ATAD2B: variants seen among roughly 807,000 people sequenced by gnomAD.
ATAD2B encodes the protein ATPase family AAA domain-containing protein 2B.
ATAD2B carries 40 observed loss-of-function variants against 167.6 expected under a neutral mutation model. The ratio of observed to expected loss-of-function variants is 0.24; its 90% CI spans 0.19 to 0.31. ATAD2B has a LOEUF of 0.31. ATAD2B is among the 10% of genes least tolerant of loss of function. The pLI, the probability that ATAD2B is intolerant of heterozygous loss-of-function variation, is 1.00. For missense variants in ATAD2B, 1,242 were observed against 1,757.2 expected (o/e 0.71, Z 5.24); for synonymous variants, 579 against 596.5 (o/e 0.97, Z 0.43).
intron 2 of ATAD2B, among the ~76,000 whole-genome samples, chr2:23,890,246 A>G (rs1354979864): frequency 6.6e-6 from 1 of 152,042 alleles, no homozygotes; most frequent in Non-Finnish European, 1.5e-5. Flanking sequence ...ATAACAAAAA[A>G]CAAAACAAAA....
chr2:23,792,962 C>T (rs1435064780), intron 19 of ATAD2B, among the ~76,000 whole-genome samples: 1 of 42,556 alleles, frequency 2.3e-5, no homozygotes, highest in Non-Finnish European at 3.9e-5. Context: ...GACTCTGTCT[C>T]AAAAAAAAAA....
At chr2:23,905,565 T>G (rs762094749) in intron 1 of ATAD2B, among the ~76,000 whole-genome samples, 2 of 152,058 alleles carry the variant, frequency 1.3e-5, no homozygotes, top group South Asian at 2.1e-4. Flanking sequence ...ACTCTGAAGT[T>G]GTACAGACAG....
At chr2:23,906,579 C>A (rs1007047950) in intron 1 of ATAD2B, among the ~76,000 whole-genome samples, 1 of 152,124 alleles carries the variant, frequency 6.6e-6, no homozygotes, top group Non-Finnish European at 1.5e-5. Flanking sequence ...TCTCGTTGAT[C>A]TGTCTAATAT....
chr2:23,757,190 C>G (rs770737760), intron 25 of ATAD2B, among the ~76,000 whole-genome samples: 1 of 152,092 alleles, frequency 6.6e-6, no homozygotes, highest in Non-Finnish European at 1.5e-5. Context: ...GCAATGCACT[C>G]GAAACGATAC....
At chr2:23,874,403 C>A (rs1696491069) in intron 8 of ATAD2B, among the ~76,000 whole-genome samples, 1 of 151,966 alleles carries the variant, frequency 6.6e-6, no homozygotes, top group Non-Finnish European at 1.5e-5. Context: ...AAATAAAAAA[C>A]AAGTAACTTG....
chr2:23,869,285 A>G (rs928262758), intron 9 of ATAD2B, among the ~76,000 whole-genome samples: 1 of 152,192 alleles, frequency 6.6e-6, no homozygotes, highest in African/African-American at 2.4e-5. Flanking sequence ...AGATAATTCT[A>G]TTAGAAACCA....
intron 2 of ATAD2B, among the ~76,000 whole-genome samples, chr2:23,893,667 CTT>C (rs745557044): frequency 6.7e-5 from 8 of 119,416 alleles, no homozygotes; most frequent in Non-Finnish European, 1.0e-4. Context: ...AAAAAAAAAA[CTT>C]TTTTTTTTTT....
At chr2:23,737,786 G>T in the ATAD2B span, among the ~76,000 whole-genome samples, 147 of 152,252 alleles carry the variant, frequency 9.7e-4, no homozygotes, top group Non-Finnish European at 4.6e-4. Flanking sequence ...TGGCAAAGAA[G>T]TTAAAAGGCT....
the ATAD2B span, chr2:23,696,173 G>A: frequency 6.5e-7 from 1 of 1,535,174 alleles, no homozygotes; most frequent in Non-Finnish European, 8.8e-7. This position sits in a 1 kb window ranked among gnomAD's most constrained non-coding sequence, Gnocchi z 5.5. Context: ...AGGCATGGGG[G>A]TCCCAAGGGG....
At chr2:23,891,381 A>C (rs1278408643) in intron 2 of ATAD2B, among the ~76,000 whole-genome samples, 1 of 152,174 alleles carries the variant, frequency 6.6e-6, no homozygotes, top group Non-Finnish European at 1.5e-5. Flanking sequence ...TTTCTGTATT[A>C]TATGAATGTT....
intron 22 of ATAD2B, among the ~76,000 whole-genome samples, chr2:23,778,225 G>A (rs1679465770): frequency 6.6e-6 from 1 of 152,170 alleles, no homozygotes; most frequent in Admixed American, 6.5e-5. Flanking sequence ...ATCAGAACAA[G>A]TGAAGAAAGC....
intron 8 of ATAD2B, chr2:23,872,761 C>G (rs1213626019): frequency 1.3e-5 from 13 of 966,096 alleles, no homozygotes; most frequent in Non-Finnish European, 8.3e-6. Flanking sequence ...GGCACCAAGT[C>G]CTCACTACAG....
intron 17 of ATAD2B, among the ~76,000 whole-genome samples, chr2:23,811,956 T>A (rs963297545): frequency 6.6e-6 from 1 of 152,020 alleles, no homozygotes; most frequent in African/African-American, 2.4e-5. Flanking sequence ...TAAAGCTCCA[T>A]ACCAGAGAAA....
chr2:23,924,109 G>GC (rs1704360461), intron 1 of ATAD2B, among the ~76,000 whole-genome samples: 1 of 35,712 alleles, frequency 2.8e-5, no homozygotes, highest in South Asian at 1.5e-3. Flanking sequence ...CGTGAACCCC[G>GC]GGGGGCGGAG....
In ATAD2B at chr2:23,798,120, T is replaced by C. The variant is rs2149460347; in HGVS notation, c.2640+18A>G. 2 of 1,391,198 alleles carry C rather than the reference T, an allele frequency of 1.4e-6. No homozygotes were observed. The highest frequency in any genetic ancestry group is 9.7e-7 in the Non-Finnish European group (1 of 1,033,790). 86.2% of individuals were successfully genotyped at this position (1,391,198 alleles called of 1,614,324 possible). A position where few individuals can be genotyped will look rare whatever the true frequency, so the allele number is the denominator to read the frequency against. On this transcript the variant is annotated intron_variant, in intron 19 of 27. Transcript: ENST00000238789. ...GAACAATATAATAAGGAAAGATAAA[T>C]ATTTAATCAGTTCTTACCTCTTCAG...
Position 23,883,279 on chromosome 2 carries a change from C to CA in ATAD2B, c.784+1485dup, listed in dbSNP as rs56994882. ...TGGGTGACAGAGTGAAAAACTGTCTCAAAAAAAAAAAAAAAAAAAAACCTG... is the reference window on the plus strand; with the variant it reads ...TGGGTGACAGAGTGAAAAACTGTCTCAAAAAAAAAAAAAAAAAAAAAACCTG... On this transcript the variant is annotated intron_variant, in intron 6 of 27. Transcript: ENST00000238789. Among the ~76,000 whole-genome samples the CA allele has an allele frequency of 6.5e-3, 579 of 88,826 alleles. 2 individuals carry two copies. Among genetic ancestry groups the CA allele is most frequent in the South Asian group, 9.0e-3 (23 of 2,568 alleles). The allele number at this position is 88,826 out of a possible 152,430, so 58.3% of individuals were successfully genotyped here.
intron 18 of ATAD2B, among the ~76,000 whole-genome samples, chr2:23,809,651 C>G (rs1685240369): frequency 6.6e-6 from 1 of 152,112 alleles, no homozygotes; most frequent in African/African-American, 2.4e-5. Flanking sequence ...TTAATGACCA[C>G]TTACTATCAG....
chr2:23,792,994 GAGA>G (rs1367809995), intron 19 of ATAD2B, among the ~76,000 whole-genome samples: 4 of 112,572 alleles, frequency 3.6e-5, no homozygotes, highest in Admixed American at 9.6e-5. Flanking sequence ...AAAAAAACTT[GAGA>G]AGATTTCCTT....
chr2:23,877,725 A>G (rs1007796186), intron 7 of ATAD2B, among the ~76,000 whole-genome samples: 6 of 149,366 alleles, frequency 4.0e-5, no homozygotes, highest in Non-Finnish European at 7.4e-5. Context: ...TACAAAAATT[A>G]GCCAGGCACG....
Sources: allele counts gnomAD v4.1 joint callset (sites outside exome capture counted in the v4.1 genomes callset), GRCh38; gene constraint gnomAD v4.1.1; non-coding constraint Gnocchi (gnomAD v3.1); transcripts MANE v1.5; gene names NCBI Gene and HGNC (gene_info 2026-07-23, HGNC 2026-07-21).